Variants in SYT6 observed in about 807,000 individuals in gnomAD.
SYT6 encodes the protein synaptotagmin 6.
SYT6 carries 24 observed loss-of-function variants against 38.4 expected under a neutral mutation model. The observed-to-expected ratio is 0.62, with a 90% CI of 0.45 to 0.88. The LOEUF is 0.88. Ranked by LOEUF, SYT6 falls within the 40% of genes least tolerant of loss-of-function variation. The pLI is 0.00. For missense variants in SYT6, 611 were observed against 621.0 expected (o/e 0.98, Z 0.17); for synonymous variants, 265 against 241.9 (o/e 1.10, Z -0.89).
intron 2 of SYT6, 44 bp from the exon 3 acceptor site, chr1:114,138,097 C>T (rs1296577162): frequency 6.4e-7 from 1 of 1,566,318 alleles, no homozygotes; most frequent in Non-Finnish European, 8.7e-7. Flanking sequence ...GGTCAGGGCT[C>T]AGGGGAAGGG....
chr1:114,108,871 A>T (rs1676493480), intron 3 of SYT6, among the ~76,000 whole-genome samples: 1 of 152,210 alleles, frequency 6.6e-6, no homozygotes, highest in South Asian at 2.1e-4. Context: ...TCTCTTAGTC[A>T]TTAAGTGGCT....
At chr1:114,140,055 G>T (rs1036418917) in intron 1 of SYT6, 92 bp from the exon 2 acceptor site, 27 of 694,744 alleles carry the variant, frequency 3.9e-5, no homozygotes, top group Admixed American at 1.6e-4. Context: ...ACACGGAAGG[G>T]ACAAAGACGG....
chr1:114,112,559 A>C (rs189156844), intron 3 of SYT6, among the ~76,000 whole-genome samples: 183 of 152,338 alleles, frequency 1.2e-3, no homozygotes, highest in African/African-American at 4.0e-3. Flanking sequence ...AGAGGGGCTG[A>C]GAGAGTGGAA....
At chr1:114,146,432 A>G (rs970727703) in intron 1 of SYT6, among the ~76,000 whole-genome samples, 5 of 152,206 alleles carry the variant, frequency 3.3e-5, no homozygotes, top group African/African-American at 1.2e-4. Context: ...GGGCCAACCC[A>G]CTGGGACATG....
At chr1:114,095,959 T>C (rs1675615985) in intron 6 of SYT6, among the ~76,000 whole-genome samples, 1 of 152,140 alleles carries the variant, frequency 6.6e-6, no homozygotes, top group Admixed American at 6.5e-5. Flanking sequence ...TATGCCTGGC[T>C]GGGCAGTGAG....
At chr1:114,133,856 CA>C (rs1202244724) in intron 3 of SYT6, among the ~76,000 whole-genome samples, 2 of 152,120 alleles carry the variant, frequency 1.3e-5, no homozygotes, top group Non-Finnish European at 2.9e-5. Context: ...TTGCAATTAA[CA>C]AAGAGCTAGA....
intron 3 of SYT6, among the ~76,000 whole-genome samples, chr1:114,136,378 G>A (rs1332654200): frequency 6.6e-6 from 1 of 152,190 alleles, no homozygotes; most frequent in Non-Finnish European, 1.5e-5. Context: ...CCCTCAACCT[G>A]TTAGCACTCA....
intron 3 of SYT6, among the ~76,000 whole-genome samples, chr1:114,126,022 A>G (rs1677708710): frequency 6.6e-6 from 1 of 152,122 alleles, no homozygotes; most frequent in South Asian, 2.1e-4. Context: ...CACAGGATGA[A>G]GGCAGTGAGT....
At chr1:114,147,885 T>C (rs1360847158) in intron 1 of SYT6, among the ~76,000 whole-genome samples, 1 of 152,230 alleles carries the variant, frequency 6.6e-6, no homozygotes, top group African/African-American at 2.4e-5. Flanking sequence ...CTTCATGTTT[T>C]GTTTTTTGGT....
intron 6 of SYT6, among the ~76,000 whole-genome samples, chr1:114,094,770 A>G (rs1675529071): frequency 6.6e-6 from 1 of 152,174 alleles, no homozygotes; most frequent in African/African-American, 2.4e-5. Flanking sequence ...GAGCTGGAGG[A>G]GATTTCTTTA....
intron 3 of SYT6, among the ~76,000 whole-genome samples, chr1:114,105,314 C>CA (rs1040204947): frequency 1.6e-4 from 24 of 150,776 alleles, no homozygotes; most frequent in African/African-American, 5.1e-4. Flanking sequence ...CTGTTCCCCC[C>CA]CTGGAGAATA....
intron 3 of SYT6, among the ~76,000 whole-genome samples, chr1:114,105,100 A>T (rs1676208290): frequency 1.3e-5 from 2 of 152,162 alleles, no homozygotes; most frequent in South Asian, 4.1e-4. Flanking sequence ...TAAGTTAGAT[A>T]GTCAAAAGTA....
rs483923 is a variant in SYT6 at position 114,148,145 on chromosome 1, A to C, written c.163+5465T>G. Among the ~76,000 whole-genome samples the C allele has an allele frequency of 2.6e-5, 4 of 151,838 alleles. 1 individual carries two copies. The highest frequency in any genetic ancestry group is 9.7e-5 in the African/African-American group (4 of 41,368). ...CTTCCAGAAAATGCTGGGTTATTAA[A>C]TAGCAGCTCAGGGCTTTCTTATCTT... On this transcript the variant is annotated intron_variant, in intron 1 of 7. Coordinates refer to ENST00000610222, the MANE Select transcript of SYT6 (RefSeq NM_001253772.2).
At chr1:114,150,116 C>G (rs1679369835) in intron 1 of SYT6, among the ~76,000 whole-genome samples, 1 of 152,146 alleles carries the variant, frequency 6.6e-6, no homozygotes, top group African/African-American at 2.4e-5. Context: ...TGCCTCAATG[C>G]CACTCCTCAC....
At chr1:114,141,001 C>T (rs1411933377) in intron 1 of SYT6, among the ~76,000 whole-genome samples, 4 of 152,170 alleles carry the variant, frequency 2.6e-5, no homozygotes, top group Non-Finnish European at 5.9e-5. Flanking sequence ...TGTGTGTGTT[C>T]TGGCTGCTCC....
chr1:114,139,946 G>A lies in SYT6; in HGVS notation c.181C>T (p.Leu61Phe). The change falls in exon 2 of 8, where the codon CTC becomes TTC. Residue 61 changes from leucine (L) to phenylalanine (F), a missense_variant. Transcript: ENST00000610222. ...AAGAGTSVSL[L>F]AVVVIVCGVA... Reference sequence around the variant, plus strand: ...CCACACACAATAACTACAACTGCGAGGAGGCTGACAGAGGTGCCTGCCCTC... The same window carrying A: ...CCACACACAATAACTACAACTGCGAAGAGGCTGACAGAGGTGCCTGCCCTC... 6.6e-7 allele frequency: 1 copy of A among 1,508,056 alleles called. No homozygotes were observed. The highest frequency in any genetic ancestry group is 8.8e-7 in the Non-Finnish European group (1 of 1,131,186). The allele number at this position is 1,508,056 out of a possible 1,614,324, so 93.4% of individuals were successfully genotyped here.
intron 1 of SYT6, among the ~76,000 whole-genome samples, chr1:114,153,369 C>T (rs1011386724): frequency 3.3e-5 from 5 of 152,342 alleles, no homozygotes; most frequent in Non-Finnish European, 5.9e-5. Context: ...CGGGGTCCCC[C>T]GCATTCCGCA....
chr1:114,115,619 G>A (rs910589092), intron 3 of SYT6, among the ~76,000 whole-genome samples: 2 of 152,034 alleles, frequency 1.3e-5, no homozygotes, highest in Non-Finnish European at 2.9e-5. Flanking sequence ...GTTTTATCAT[G>A]TTGGCCAGGC....
intron 3 of SYT6, among the ~76,000 whole-genome samples, chr1:114,125,312 G>A (rs931814107): frequency 2.0e-5 from 3 of 152,122 alleles, no homozygotes; most frequent in African/African-American, 7.2e-5. Flanking sequence ...GGCCAGACAT[G>A]GATGAACATC....
Sources: gnomAD v4.1 joint callset for allele counts (sites outside exome capture counted in the v4.1 genomes callset) on GRCh38, gnomAD v4.1.1 for gene constraint, MANE v1.5 for transcripts, NCBI Gene and HGNC (gene_info 2026-07-23, HGNC 2026-07-21) for gene names.